MYT1L: variants seen among roughly 807,000 people sequenced by gnomAD.
MYT1L encodes myelin transcription factor 1-like protein.
MYT1L carries 12 observed loss-of-function variants against 126.7 expected under a neutral mutation model. The observed-to-expected ratio is 0.09, with a 90% CI of 0.06 to 0.15. MYT1L has a LOEUF of 0.15. Ranked by LOEUF, MYT1L falls within the 10% of genes least tolerant of loss-of-function variation. The probability of loss-of-function intolerance (pLI) is 1.00; values close to 1 mark genes in which losing one functional copy is unlikely to be tolerated. For synonymous variants in MYT1L, 541 were observed against 604.2 expected (o/e 0.90, Z 1.53); for missense variants, 979 against 1,585.2 (o/e 0.62, Z 6.49).
intron 2 of MYT1L, among the ~76,000 whole-genome samples, chr2:2,257,369 G>T (rs2094843887): frequency 6.6e-6 from 1 of 152,114 alleles, no homozygotes; most frequent in South Asian, 2.1e-4. Context: ...TTCCAGGTTG[G>T]AGCCATAAGG....
intron 21 of MYT1L, among the ~76,000 whole-genome samples, chr2:1,835,855 G>C (rs1404179390): frequency 6.6e-6 from 1 of 152,178 alleles, no homozygotes. Flanking sequence ...CAGGGCTCCA[G>C]CAGGAGCCGC....
At position 1,902,338 on chromosome 2, in the gene MYT1L, A is replaced by G. The variant is rs983273466; in HGVS notation, c.2032+742T>C. ...GCATGAGCTCTATTTTGTTGGTGCC[A>G]CAGCTGCCACAAGCCAGCAGGGGAC... On this transcript the variant is annotated intron_variant, in intron 14 of 24. Coordinates refer to ENST00000647738, the MANE Select transcript of MYT1L (RefSeq NM_001303052.2). Among the ~76,000 whole-genome samples, 3 of 152,320 alleles carry G rather than the reference A, an allele frequency of 2.0e-5. No homozygotes were observed. The East Asian group carries it at 5.8e-4, about 29-fold the overall frequency.
At chr2:2,015,156 C>T (rs766174691) in intron 4 of MYT1L, among the ~76,000 whole-genome samples, 4 of 152,178 alleles carry the variant, frequency 2.6e-5, no homozygotes, top group Non-Finnish European at 4.4e-5. Context: ...CAAAGGGATG[C>T]ATGGCCTCAA....
chr2:2,142,133 C>G (rs1337523248), intron 3 of MYT1L, among the ~76,000 whole-genome samples: 1 of 152,128 alleles, frequency 6.6e-6, no homozygotes, highest in South Asian at 2.1e-4. Flanking sequence ...AATTACACGG[C>G]TGTTGTCCCC....
intron 13 of MYT1L, among the ~76,000 whole-genome samples, chr2:1,908,433 G>A (rs1316847438): frequency 1.3e-5 from 2 of 151,668 alleles, no homozygotes; most frequent in Non-Finnish European, 2.9e-5. Flanking sequence ...TTGTAGGTGG[G>A]CAGAGCAGTC....
intron 2 of MYT1L, among the ~76,000 whole-genome samples, chr2:2,277,885 T>C (rs548132781): frequency 3.9e-5 from 6 of 152,342 alleles, no homozygotes; most frequent in African/African-American, 1.4e-4. Context: ...AAAACTATAG[T>C]ATATTCCTAG....
intron 3 of MYT1L, among the ~76,000 whole-genome samples, chr2:2,141,015 A>G (rs1285268014): frequency 1.3e-5 from 2 of 152,250 alleles, no homozygotes; most frequent in Non-Finnish European, 2.9e-5. Context: ...AGAAATCTGC[A>G]TATTAATTCC....
chr2:2,044,620 T>G (rs1259369029), intron 4 of MYT1L, among the ~76,000 whole-genome samples: 2 of 152,172 alleles, frequency 1.3e-5, no homozygotes, highest in African/African-American at 4.8e-5. Flanking sequence ...TGACTCTAGG[T>G]CTTTCTAAAT....
chr2:2,302,864 T>A (rs1306394690), intron 1 of MYT1L, among the ~76,000 whole-genome samples: 1 of 152,204 alleles, frequency 6.6e-6, no homozygotes, highest in Non-Finnish European at 1.5e-5. Context: ...ATTTTTGTTA[T>A]AATGAAGAAG....
At chr2:1,923,285 CAAAAA>C in intron 9 of MYT1L, 22 bp from the exon 10 acceptor site, 2 of 1,534,142 alleles carry the variant, frequency 1.3e-6, no homozygotes, top group Non-Finnish European at 1.8e-6. Context: ...ATAAAAAAGA[CAAAAA>C]AGAAAAGAAA....
At chr2:2,105,061 C>G (rs535830603) in intron 3 of MYT1L, among the ~76,000 whole-genome samples, 1 of 152,186 alleles carries the variant, frequency 6.6e-6, no homozygotes, top group South Asian at 2.1e-4. Context: ...TCCTCGTGTT[C>G]TGTAATATCA....
At chr2:2,207,918 C>A (rs981131576) in intron 2 of MYT1L, among the ~76,000 whole-genome samples, 5 of 152,198 alleles carry the variant, frequency 3.3e-5, no homozygotes, top group African/African-American at 1.2e-4. Flanking sequence ...CCCTGCCCAC[C>A]CCGAAGCACG....
In MYT1L at chr2:2,165,512, G is replaced by A. The variant is rs2088917887; in HGVS notation, c.-304+7360C>T. ...ATGCGTAATTTCAACAGAAAAGGAAGTTAATATTATTTAAATCATAAAATA... is the reference window on the plus strand; with the variant it reads ...ATGCGTAATTTCAACAGAAAAGGAAATTAATATTATTTAAATCATAAAATA... On this transcript the variant is annotated intron_variant, in intron 3 of 24. Coordinates refer to ENST00000647738, the MANE Select transcript of MYT1L (RefSeq NM_001303052.2). 2.0e-5 allele frequency among the ~76,000 whole-genome samples: 3 copies of A among 152,124 alleles called. No individual in the cohort carries two copies. The South Asian group carries it at 6.2e-4, about 32-fold the overall frequency.
At chr2:2,244,079 C>T (rs756151067) in intron 2 of MYT1L, among the ~76,000 whole-genome samples, 1 of 152,190 alleles carries the variant, frequency 6.6e-6, no homozygotes, top group Non-Finnish European at 1.5e-5. Flanking sequence ...AAATATGTTT[C>T]TATTTCGATC....
chr2:2,257,177 A>G (rs2094837225), intron 2 of MYT1L, among the ~76,000 whole-genome samples: 1 of 152,090 alleles, frequency 6.6e-6, no homozygotes, highest in South Asian at 2.1e-4. Flanking sequence ...ACACTACTTG[A>G]GAGAATAATC....
At chr2:2,247,858 A>G (rs969600754) in intron 2 of MYT1L, among the ~76,000 whole-genome samples, 28 of 152,282 alleles carry the variant, frequency 1.8e-4, no homozygotes, top group African/African-American at 6.7e-4. Context: ...GAAACACAAC[A>G]TACCGAAACC....
chr2:2,279,349 GA>G (rs1229161092), intron 2 of MYT1L, among the ~76,000 whole-genome samples: 1 of 150,268 alleles, frequency 6.7e-6, no homozygotes, highest in African/African-American at 2.4e-5. Flanking sequence ...ACATATCAAA[GA>G]AGTATTATAA....
intron 3 of MYT1L, among the ~76,000 whole-genome samples, chr2:2,072,226 C>A (rs11887940): frequency 0.018 from 2,688 of 152,284 alleles, 79 homozygotes; most frequent in African/African-American, 0.06. Context: ...TGACGTTTTA[C>A]TGTCTTTATA....
chr2:1,970,058 T>C (rs943641303), intron 8 of MYT1L, among the ~76,000 whole-genome samples: 5 of 152,158 alleles, frequency 3.3e-5, no homozygotes, highest in African/African-American at 9.7e-5. Context: ...TTTACTAATT[T>C]TGGCAGGAAG....
Sources: gnomAD v4.1 joint callset for allele counts (sites outside exome capture counted in the v4.1 genomes callset) on GRCh38, gnomAD v4.1.1 for gene constraint, MANE v1.5 for transcripts, NCBI Gene and HGNC (gene_info 2026-07-23, HGNC 2026-07-21) for gene names.